TRIM66: variants seen among roughly 807,000 people sequenced by gnomAD.
TRIM66 encodes the protein tripartite motif-containing protein 66.
TRIM66 carries 99 observed loss-of-function variants against 148.2 expected under a neutral mutation model. The observed-to-expected ratio is 0.67, with a 90% CI of 0.57 to 0.79. TRIM66 has a LOEUF of 0.79. Ranked by LOEUF, TRIM66 falls within the 30% of genes least tolerant of loss-of-function variation. The pLI is 0.00. For missense variants in TRIM66, 1,666 were observed against 1,697.9 expected (o/e 0.98, Z 0.33); for synonymous variants, 616 against 635.9 (o/e 0.97, Z 0.47).
At chr11:8,623,693 A>C (rs1431458179) in intron 17 of TRIM66, among the ~76,000 whole-genome samples, 1 of 152,206 alleles carries the variant, frequency 6.6e-6, no homozygotes, top group African/African-American at 2.4e-5. Flanking sequence ...CACCTTCCAC[A>C]GAAGAACAAA....
In TRIM66 at chr11:8,624,768, C is replaced by T; in HGVS notation, c.2771G>A (p.Gly924Glu). The T allele has an allele frequency of 6.5e-7, 1 of 1,549,002 alleles. No individual in the cohort carries two copies. The highest frequency in any genetic ancestry group is 8.7e-7 in the Non-Finnish European group (1 of 1,145,162). ...GSSSSSGRTS[G>E]SLCPRDGADP... The stretch of plus-strand genomic sequence containing the variant: ...AGCCCCATCTCTGGGACACAGGCTC[C>T]CTGAAGTTCGGCCAGAACTGGAGCT... The change falls in exon 16 of 25, where the codon GGG becomes GAG. Residue 924 changes from glycine to glutamate, a missense_variant. Transcript: ENST00000646038.
intron 15 of TRIM66, among the ~76,000 whole-genome samples, chr11:8,634,570 AAGGGTTGCTGTGGT>A (rs2035710514): frequency 6.6e-6 from 1 of 152,234 alleles, no homozygotes; most frequent in African/African-American, 2.4e-5. Flanking sequence ...CTTGAGATGT[AAGGGTTGCTGTGGT>A]AGGGTTGTAG....
In TRIM66 at chr11:8,624,778, G is replaced by A. The variant is rs373665234; in HGVS notation, c.2761C>T (p.Arg921Ter). 2.4e-5 allele frequency: 37 copies of A among 1,550,362 alleles called. No individual in the cohort carries two copies. The highest frequency in any genetic ancestry group is 5.5e-5 in the African/African-American group (4 of 73,028). Residue 921 changes from arginine (R) to a stop codon, truncating the protein, a stop_gained, in exon 16 of 25, where the codon CGA becomes TGA. Transcript: ENST00000646038. LOFTEE classifies it high-confidence loss of function. ...PETGSSSSSG[R>*]TSGSLCPRDG... ...CTGGGACACAGGCTCCCTGAAGTTC[G>A]GCCAGAACTGGAGCTGGACCCAGTT...
chr11:8,636,761 G>A (rs2035916010), intron 15 of TRIM66, among the ~76,000 whole-genome samples: 1 of 152,066 alleles, frequency 6.6e-6, no homozygotes, highest in Admixed American at 6.5e-5. Flanking sequence ...AGCTAAAGTG[G>A]TCTTTCAAAC....
At chr11:8,668,480 G>C (rs2038734512) in intron 6 of TRIM66, among the ~76,000 whole-genome samples, 2 of 152,174 alleles carry the variant, frequency 1.3e-5, no homozygotes, top group Non-Finnish European at 1.5e-5. Context: ...CTGGCAACTG[G>C]TACTGGTTGT....
At chr11:8,649,663 G>C in intron 8 of TRIM66, 77 bp downstream of exon 8, 6 of 1,498,352 alleles carry the variant, frequency 4.0e-6, no homozygotes, top group Non-Finnish European at 2.7e-6. Flanking sequence ...CAAGATCGGA[G>C]AGCTATTCTC....
chr11:8,646,702 G>A (rs934306712), intron 10 of TRIM66, 141 bp from the exon 11 acceptor site: 1 of 648,774 alleles, frequency 1.5e-6, no homozygotes, highest in Admixed American at 2.8e-5. Context: ...AAAAAAGAGA[G>A]CCTTCCTCCA....
intron 15 of TRIM66, among the ~76,000 whole-genome samples, chr11:8,634,264 C>T (rs193078274): frequency 6.6e-6 from 1 of 152,334 alleles, no homozygotes; most frequent in African/African-American, 2.4e-5. Flanking sequence ...CTCCCAGGCT[C>T]AAGCAATTCT....
Position 8,630,267 on chromosome 11 carries a change from C to G in TRIM66, c.2311-5039G>C, listed in dbSNP as rs556756442. Among the ~76,000 whole-genome samples the G allele has an allele frequency of 1.8e-4, 27 of 152,280 alleles. No individual in the cohort carries two copies. The South Asian group carries it at 5.6e-3, about 32-fold the overall frequency. On this transcript the variant is annotated intron_variant, in intron 15 of 24. Coordinates refer to ENST00000646038, the MANE Select transcript of TRIM66 (RefSeq NM_001388022.1). The stretch of plus-strand genomic sequence containing the variant: ...GGCCAGGTTGTCTGACACTTGGTGC[C>G]ACCCATGCAGAAGGGAGCTCACTTG...
In TRIM66 at chr11:8,613,383, G is replaced by C. The variant is rs1183864535; in HGVS notation, c.*4561C>G. On this transcript the variant is annotated 3_prime_UTR_variant, in exon 25 of 25. Transcript: ENST00000646038. ...TGGGTGGTGTGAAATGCTGCGGAGA[G>C]GTCAAGACAGCTGAGCACTGAAAGG... 1 of 152,252 alleles carries C rather than the reference G, an allele frequency of 6.6e-6. No individual in the cohort carries two copies. Among genetic ancestry groups the C allele is most frequent in the Non-Finnish European group, 1.5e-5 (1 of 68,082 alleles). 9.4% of individuals were successfully genotyped at this position (152,252 alleles called of 1,614,324 possible).
At chr11:8,660,884 G>T (rs565613116) in intron 6 of TRIM66, among the ~76,000 whole-genome samples, 1 of 152,340 alleles carries the variant, frequency 6.6e-6, no homozygotes, top group East Asian at 1.9e-4. Context: ...AAAGTGTGAG[G>T]TCTCTTTGGA....
chr11:8,642,552 G>C (rs1294802301), intron 13 of TRIM66, among the ~76,000 whole-genome samples: 2 of 152,012 alleles, frequency 1.3e-5, no homozygotes, highest in Admixed American at 1.3e-4. Context: ...ATCTCAACTC[G>C]AAAGGATATG....
At chr11:8,634,672 T>A (rs1281636079) in intron 15 of TRIM66, among the ~76,000 whole-genome samples, 12 of 152,154 alleles carry the variant, frequency 7.9e-5, no homozygotes, top group Non-Finnish European at 1.6e-4. Context: ...AATACCAAAA[T>A]TCATTCAAAA....
chr11:8,676,842 G>A (rs1592219095), intron 3 of TRIM66, among the ~76,000 whole-genome samples: 1 of 152,202 alleles, frequency 6.6e-6, no homozygotes, highest in East Asian at 1.9e-4. Flanking sequence ...AATGCCTACA[G>A]GGGCTGGGCA....
At chr11:8,641,453 C>A (rs2133100720) in intron 13 of TRIM66, among the ~76,000 whole-genome samples, 1 of 152,294 alleles carries the variant, frequency 6.6e-6, no homozygotes, top group South Asian at 2.1e-4. Flanking sequence ...AGCACCCACT[C>A]ATTTTTTTCC....
chr11:8,621,850 G>C, intron 18 of TRIM66, 31 bp from the exon 19 acceptor site: 1 of 1,507,006 alleles, frequency 6.6e-7, no homozygotes, highest in Non-Finnish European at 8.9e-7. Context: ...CGGGGTCTTG[G>C]TGGGATCCTC....
chr11:8,642,843 CAAAAA>C (rs60432547), intron 13 of TRIM66, among the ~76,000 whole-genome samples, 161 bp downstream of exon 13: 1 of 73,234 alleles, frequency 1.4e-5, no homozygotes, highest in African/African-American at 5.4e-5. Flanking sequence ...TCTTCCCCCT[CAAAAA>C]AAAAAAAAAA....
chr11:8,635,043 G>A (rs535347177), intron 15 of TRIM66, among the ~76,000 whole-genome samples: 79 of 152,228 alleles, frequency 5.2e-4, no homozygotes, highest in Middle Eastern at 3.4e-3. Context: ...GCAAAGCCTC[G>A]GGCTACTTCA....
intron 6 of TRIM66, among the ~76,000 whole-genome samples, chr11:8,664,543 T>C (rs1362978676): frequency 1.6e-4 from 24 of 152,162 alleles, no homozygotes; most frequent in Admixed American, 1.6e-3. Context: ...ATACCTACTT[T>C]ATAAGGCTGC....
Sources: gnomAD v4.1 joint callset for allele counts (sites outside exome capture counted in the v4.1 genomes callset) on GRCh38, gnomAD v4.1.1 for gene constraint, MANE v1.5 for transcripts, NCBI Gene and HGNC (gene_info 2026-07-23, HGNC 2026-07-21) for gene names.